The following ATP8A1 variants were observed in gnomAD, a reference collection of about 807,000 sequenced individuals.
ATP8A1 encodes the protein ATPase phospholipid transporting 8A1.
ATP8A1 carries 90 observed loss-of-function variants against 177.7 expected under a neutral mutation model. The observed-to-expected ratio is 0.51, with a 90% CI of 0.43 to 0.60. The LOEUF is 0.60. Among genes scored for constraint, ATP8A1 ranks in the 20% least tolerant of loss-of-function variants. The pLI is 0.00. For missense variants in ATP8A1, 1,072 were observed against 1,392.8 expected, an observed-to-expected ratio of 0.77 and a Z score of 3.67; for synonymous variants, 493 against 485.9, an observed-to-expected ratio of 1.01 and a Z score of -0.19.
chr4:42,448,836 T>G (rs1320771533), intron 30 of ATP8A1, among the ~76,000 whole-genome samples: 11 of 122,048 alleles, frequency 9.0e-5, no homozygotes, highest in African/African-American at 4.2e-4. Flanking sequence ...GCGTTTTTTT[T>G]TTTTTTTTTT....
chr4:42,562,273 A>G (rs1730912273), intron 15 of ATP8A1: 1 of 152,456 alleles, frequency 6.6e-6, no homozygotes, highest in Non-Finnish European at 1.5e-5. Flanking sequence ...GCAGAGATCC[A>G]TGCTGGTGCC....
chr4:42,581,241 C>T (rs985686131), intron 10 of ATP8A1, among the ~76,000 whole-genome samples: 1 of 152,140 alleles, frequency 6.6e-6, no homozygotes, highest in South Asian at 2.1e-4. Context: ...TCACGCCATT[C>T]TCCTGCCTCA....
At chr4:42,429,092 G>C (rs1486025736) in intron 33 of ATP8A1, among the ~76,000 whole-genome samples, 3 of 152,160 alleles carry the variant, frequency 2.0e-5, no homozygotes, top group Non-Finnish European at 4.4e-5. Context: ...GAAAAACAGA[G>C]CCTGGGGACC....
At chr4:42,432,924 A>G (rs12510207) in intron 33 of ATP8A1, among the ~76,000 whole-genome samples, 22,935 of 152,214 alleles carry the variant, frequency 0.15, 2,119 homozygotes, top group East Asian at 0.23. Context: ...ACATCAAAAT[A>G]TAATTATCTT....
chr4:42,532,101 CA>C (rs1727320144), intron 20 of ATP8A1, among the ~76,000 whole-genome samples: 1 of 151,452 alleles, frequency 6.6e-6, no homozygotes, highest in Non-Finnish European at 1.5e-5. Flanking sequence ...GACCCTGCCT[CA>C]AAAAAATACA....
At chr4:42,593,950 T>C (rs1419222185) in intron 6 of ATP8A1, among the ~76,000 whole-genome samples, 1 of 151,872 alleles carries the variant, frequency 6.6e-6, no homozygotes, top group Non-Finnish European at 1.5e-5. Context: ...GACTGAAAGA[T>C]AAAAAATATC....
At chr4:42,545,771 C>T (rs541462809) in intron 19 of ATP8A1, among the ~76,000 whole-genome samples, 33 of 152,190 alleles carry the variant, frequency 2.2e-4, no homozygotes, top group African/African-American at 7.2e-4. Context: ...GTCAGGAGTT[C>T]GAGACCAGCC....
chr4:42,453,168 TTAAC>T (rs1718114952), intron 29 of ATP8A1, among the ~76,000 whole-genome samples: 1 of 152,204 alleles, frequency 6.6e-6, no homozygotes, highest in African/African-American at 2.4e-5. Flanking sequence ...TGCTAATCCT[TTAAC>T]CCCTGTCACG....
At chr4:42,524,690 G>C in intron 21 of ATP8A1, 73 bp downstream of exon 21, 1 of 926,268 alleles carries the variant, frequency 1.1e-6, no homozygotes, top group East Asian at 2.6e-5. Flanking sequence ...ATAATAATAA[G>C]GATCCTGCAA....
At chr4:42,596,842 T>G (rs1243655415) in intron 6 of ATP8A1, among the ~76,000 whole-genome samples, 4 of 152,142 alleles carry the variant, frequency 2.6e-5, no homozygotes, top group African/African-American at 9.7e-5. Flanking sequence ...TCCACCTGCA[T>G]ACATCTCAAA....
rs565139270 is a variant in ATP8A1, at chr4:42,636,156, A to ACACGCGCGTGCGCG, written c.50-9048_50-9047insCGCGCACGCGCGTG. On this transcript the variant is annotated intron_variant, in intron 1 of 36. Coordinates refer to ENST00000381668, the MANE Select transcript of ATP8A1 (RefSeq NM_006095.2). ...CACACACACACACACACACACACACACGCACACACACACACATAAGCTTCT... is the reference window on the plus strand; with the variant it reads ...CACACACACACACACACACACACACACACGCGCGTGCGCGCGCACACACACACACATAAGCTTCT... Among the ~76,000 whole-genome samples, 6 of 90,898 alleles carry ACACGCGCGTGCGCG rather than the reference A, an allele frequency of 6.6e-5. No individual in the cohort carries two copies. In the East Asian group the frequency reaches 1.0e-3, roughly 16 times the overall value. 59.6% of individuals were successfully genotyped at this position (90,898 alleles called of 152,430 possible). A position where few individuals can be genotyped will look rare whatever the true frequency, so the allele number is the denominator to read the frequency against.
chr4:42,596,340 T>C (rs143299039), intron 6 of ATP8A1, among the ~76,000 whole-genome samples: 8 of 152,302 alleles, frequency 5.3e-5, no homozygotes, highest in Admixed American at 1.3e-4. Flanking sequence ...TTATGTAAAA[T>C]AGTAAGATTA....
In ATP8A1 at chr4:42,465,007, T is replaced by A. The variant is rs1175483888; in HGVS notation, c.2394A>T (p.Ala798=). Residue 798 remains alanine, a synonymous_variant, in exon 26 of 37, where the codon GCA becomes GCT. Coordinates refer to ENST00000381668, the MANE Select transcript of ATP8A1 (RefSeq NM_006095.2). ...VKKQVKVVTL[A]IGDGANDVSM... ...TGACATCATTTGCTCCATCACCGAT[T>A]GCAAGCGTTACGACTTTGACTTGTT... 6 of 1,614,102 alleles carry A rather than the reference T, an allele frequency of 3.7e-6. No homozygotes were observed. Among genetic ancestry groups the A allele is most frequent in the Non-Finnish European group, 5.1e-6 (6 of 1,180,038 alleles).
At chr4:42,473,481 T>G (rs1446616061) in intron 25 of ATP8A1, among the ~76,000 whole-genome samples, 1 of 152,060 alleles carries the variant, frequency 6.6e-6, no homozygotes, top group Non-Finnish European at 1.5e-5. Context: ...AGGCCTAGAG[T>G]GCTTCCCCTT....
Position 42,503,391 on chromosome 4 carries a change from A to G in ATP8A1, c.2151+59T>C, listed in dbSNP as rs547956061. On this transcript the variant is annotated intron_variant, in intron 24 of 36. Coordinates refer to ENST00000381668, the MANE Select transcript of ATP8A1 (RefSeq NM_006095.2). ...ATATTTCCATAGCTATCTGAATATA[A>G]AATACTATAGCATGAATATATTATT... 4.7e-5 allele frequency: 47 copies of G among 1,005,756 alleles called. No individual in the cohort carries two copies. In the African/African-American group the frequency reaches 6.8e-4, roughly 15 times the overall value. 62.3% of individuals were successfully genotyped at this position (1,005,756 alleles called of 1,614,324 possible).
At chr4:42,613,646 C>T (rs1431838128) in intron 5 of ATP8A1, among the ~76,000 whole-genome samples, 9 of 152,052 alleles carry the variant, frequency 5.9e-5, no homozygotes, top group South Asian at 2.1e-4. Context: ...TGCAGTGGCG[C>T]GGTCTTGGCT....
intron 16 of ATP8A1, among the ~76,000 whole-genome samples, chr4:42,555,139 A>ATCTATCTAATCT (rs1553903246): frequency 3.1e-3 from 184 of 59,196 alleles, no homozygotes; most frequent in East Asian, 7.4e-3. Context: ...CTATCTATCT[A>ATCTATCTAATCT]ATCTATCTAT....
At chr4:42,471,596 C>A (rs775365427) in intron 25 of ATP8A1, among the ~76,000 whole-genome samples, 1 of 152,116 alleles carries the variant, frequency 6.6e-6, no homozygotes, top group African/African-American at 2.4e-5. Context: ...AGCAAATAGA[C>A]CTATGAAAGG....
rs570815785 is a variant in ATP8A1 at position 42,590,931 on chromosome 4, G to T, written c.451-47C>A. On this transcript the variant is annotated intron_variant, in intron 6 of 36. Transcript: ENST00000381668. ...AATTAAAATGGCCAAAAAAAAAAAT[G>T]AACAGAGGAAAAAAAACAAACAAAT... The T allele has an allele frequency of 2.1e-4, 223 of 1,077,280 alleles. No homozygotes were observed. In the South Asian group the frequency reaches 3.1e-3, roughly 15 times the overall value. The allele number at this position is 1,077,280 out of a possible 1,614,324, so 66.7% of individuals were successfully genotyped here.
Sources: allele counts gnomAD v4.1 joint callset (sites outside exome capture counted in the v4.1 genomes callset), GRCh38; gene constraint gnomAD v4.1.1; transcripts MANE v1.5; gene names NCBI Gene and HGNC (gene_info 2026-07-23, HGNC 2026-07-21).